DLGAP2: variants seen among roughly 807,000 people sequenced by gnomAD.
DLGAP2 encodes disks large-associated protein 2.
A neutral mutation model predicts 100.3 loss-of-function variants in DLGAP2; 26 were observed. The ratio of observed to expected loss-of-function variants is 0.26; its 90% confidence interval spans 0.19 to 0.36. The LOEUF (loss-of-function observed/expected upper bound fraction) is 0.36. Among genes scored for constraint, DLGAP2 ranks in the 10% least tolerant of loss-of-function variants. The probability of loss-of-function intolerance (pLI) is 1.00; values close to 1 mark genes in which losing one functional copy is unlikely to be tolerated. For synonymous variants in DLGAP2, 886 were observed against 630.1 expected (o/e 1.41, Z -6.08); for missense variants, 1,858 against 1,453.2 (o/e 1.28, Z -4.53).
At chr8:1,327,285 C>G (rs1038887440) in intron 3 of DLGAP2, among the ~76,000 whole-genome samples, 3 of 152,198 alleles carry the variant, frequency 2.0e-5, no homozygotes, top group African/African-American at 7.2e-5. Flanking sequence ...ATGGGCCCAC[C>G]CTCCACTGCA....
chr8:847,668 G>A (rs985038336), intron 1 of DLGAP2, among the ~76,000 whole-genome samples: 2 of 151,902 alleles, frequency 1.3e-5, no homozygotes, highest in African/African-American at 2.4e-5. Context: ...AACCACACCT[G>A]GCTAATTTTT....
intron 13 of DLGAP2, among the ~76,000 whole-genome samples, chr8:1,691,841 G>C (rs1188414767): frequency 6.7e-6 from 1 of 148,252 alleles, no homozygotes; most frequent in Admixed American, 6.8e-5. Context: ...ATACGGCCCT[G>C]GTTTAAACGC....
intron 4 of DLGAP2, among the ~76,000 whole-genome samples, chr8:1,525,143 G>T (rs1222020877): frequency 6.7e-6 from 1 of 149,866 alleles, no homozygotes; most frequent in Non-Finnish European, 1.5e-5. Context: ...GTCTCCTGAG[G>T]CAACAACTTC....
chr8:1,111,949 A>G (rs192558479), intron 2 of DLGAP2, among the ~76,000 whole-genome samples: 2 of 152,078 alleles, frequency 1.3e-5, no homozygotes, highest in Non-Finnish European at 2.9e-5. Flanking sequence ...GTTGAATGGC[A>G]GTTCTGCTTG....
chr8:1,477,731 T>C (rs1447625283), intron 3 of DLGAP2, among the ~76,000 whole-genome samples: 2 of 151,906 alleles, frequency 1.3e-5, no homozygotes, highest in East Asian at 3.9e-4. Flanking sequence ...TGGATTATTA[T>C]CGGTTCATAG....
chr8:1,465,958 G>A (rs1316704170), intron 3 of DLGAP2, among the ~76,000 whole-genome samples: 1 of 152,210 alleles, frequency 6.6e-6, no homozygotes, highest in Admixed American at 6.5e-5. Context: ...AAGGAGCAGT[G>A]AACGGAGTGG....
At chr8:1,000,236 G>GTGCA (rs1563136729) in intron 2 of DLGAP2, among the ~76,000 whole-genome samples, 4 of 142,938 alleles carry the variant, frequency 2.8e-5, no homozygotes, top group Non-Finnish European at 3.1e-5. Flanking sequence ...ATCCAGGTGG[G>GTGCA]GGTGGTTTTC....
chr8:1,507,480 G>A (rs555329151), intron 4 of DLGAP2, among the ~76,000 whole-genome samples: 4 of 152,246 alleles, frequency 2.6e-5, no homozygotes, highest in East Asian at 1.9e-4. Flanking sequence ...CCCAGAACTC[G>A]CGCTGGCCCA....
chr8:766,541 A>T (rs1188549135), intron 1 of DLGAP2, among the ~76,000 whole-genome samples: 1 of 152,150 alleles, frequency 6.6e-6, no homozygotes, highest in East Asian at 1.9e-4. Context: ...GCCTTTATCA[A>T]TGTGTCCGGC....
intron 2 of DLGAP2, among the ~76,000 whole-genome samples, chr8:1,193,574 T>C (rs531390665): frequency 2.5e-4 from 38 of 152,342 alleles, no homozygotes; most frequent in African/African-American, 9.1e-4. Flanking sequence ...TAAAGCTGGA[T>C]ATACGCTGCT....
chr8:1,231,159 G>T (rs926612945), intron 2 of DLGAP2, among the ~76,000 whole-genome samples: 5 of 152,018 alleles, frequency 3.3e-5, no homozygotes, highest in Non-Finnish European at 7.4e-5. Context: ...AAAACAAATA[G>T]CCCCATTAAA....
rs534235319 is a variant in DLGAP2 at position 1,257,018 on chromosome 8, C to T, written c.74-1833C>T. ...GCGTCCGATGGCTTCTACTTCAGGT[C>T]CTGCCCTGCGGCCCCGACGTCTTCT... On this transcript the variant is annotated intron_variant, in intron 2 of 14. Transcript: ENST00000637795. Among the ~76,000 whole-genome samples, 4 of 152,258 alleles carry T rather than the reference C, an allele frequency of 2.6e-5. No individual in the cohort carries two copies. The South Asian group carries it at 8.3e-4, about 32-fold the overall frequency.
chr8:761,930 G>A (rs535963459), intron 1 of DLGAP2, among the ~76,000 whole-genome samples: 35 of 152,324 alleles, frequency 2.3e-4, no homozygotes, highest in African/African-American at 8.2e-4. Context: ...GGCTGGATGA[G>A]GATGCTTCTG....
intron 3 of DLGAP2, among the ~76,000 whole-genome samples, chr8:1,280,523 A>G (rs117002234): frequency 0.017 from 2,591 of 152,306 alleles, 36 homozygotes; most frequent in Non-Finnish European, 0.026. Context: ...GGGGGTCTAT[A>G]AAGGAGGAGG....
intron 5 of DLGAP2, among the ~76,000 whole-genome samples, chr8:1,554,426 G>A (rs1188239995): frequency 1.3e-5 from 2 of 152,248 alleles, no homozygotes; most frequent in Non-Finnish European, 1.5e-5. Context: ...TGGTGGCCTG[G>A]GACAGCCTGG....
intron 3 of DLGAP2, among the ~76,000 whole-genome samples, chr8:1,372,292 C>G (rs898108552): frequency 2.0e-5 from 3 of 151,760 alleles, no homozygotes; most frequent in South Asian, 4.2e-4. Context: ...GGTCACCGTG[C>G]TGCCAACGCT....
intron 6 of DLGAP2, among the ~76,000 whole-genome samples, chr8:1,584,852 G>A (rs2130651237): frequency 6.6e-6 from 1 of 152,074 alleles, no homozygotes; most frequent in East Asian, 1.9e-4. Context: ...ATCTCTTCAT[G>A]GATTTCATTG....
intron 2 of DLGAP2, among the ~76,000 whole-genome samples, chr8:1,121,428 C>G (rs1462277902): frequency 6.6e-6 from 1 of 151,980 alleles, no homozygotes; most frequent in Admixed American, 6.5e-5. Context: ...AACCCCTGAC[C>G]ACCCATCCTC....
At chr8:1,067,534 C>T (rs557296414) in intron 2 of DLGAP2, among the ~76,000 whole-genome samples, 6 of 152,220 alleles carry the variant, frequency 3.9e-5, no homozygotes, top group East Asian at 1.9e-4. Flanking sequence ...GCCCGGCCCA[C>T]GCACGCCTGG....
Sources: allele counts gnomAD v4.1 joint callset (sites outside exome capture counted in the v4.1 genomes callset), GRCh38; gene constraint gnomAD v4.1.1; transcripts MANE v1.5; gene names NCBI Gene and HGNC (gene_info 2026-07-23, HGNC 2026-07-21).